The following RBFOX3 variants were observed in gnomAD, a reference collection of about 807,000 sequenced individuals.
The protein encoded by RBFOX3 is RNA binding fox-1 homolog 3, also known as RNA binding protein fox-1 homolog 3.
RBFOX3 carries 17 observed loss-of-function variants against 48.7 expected under a neutral mutation model. The ratio of observed to expected loss-of-function variants is 0.35; its 90% CI spans 0.24 to 0.52. RBFOX3 has a LOEUF of 0.52. Among genes scored for constraint, RBFOX3 ranks in the 20% least tolerant of loss-of-function variants. RBFOX3 has a pLI of 0.94. For synonymous variants in RBFOX3, 212 were observed against 209.5 expected (o/e 1.01, Z -0.10); for missense variants, 382 against 497.5 (o/e 0.77, Z 2.21).
At chr17:79,401,520 T>G (rs1047872048) in intron 2 of RBFOX3, among the ~76,000 whole-genome samples, 1 of 152,180 alleles carries the variant, frequency 6.6e-6, no homozygotes, top group Admixed American at 6.5e-5. Context: ...GTTCCCAGTG[T>G]GCACGTGAGA....
intron 1 of RBFOX3, among the ~76,000 whole-genome samples, chr17:79,520,818 A>G (rs1432427916): frequency 6.6e-6 from 1 of 152,094 alleles, no homozygotes; most frequent in Non-Finnish European, 1.5e-5. Context: ...CGGCAGACAC[A>G]CTCGCACACA....
chr17:79,529,898 C>T (rs897657375), intron 1 of RBFOX3, among the ~76,000 whole-genome samples: 18 of 152,338 alleles, frequency 1.2e-4, no homozygotes, highest in African/African-American at 3.1e-4. Flanking sequence ...GGACCCAGCA[C>T]GCTCCTTCAC....
chr17:79,092,108 G>T, intron 14 of RBFOX3: 1 of 985,532 alleles, frequency 1.0e-6, no homozygotes, highest in South Asian at 4.7e-5. Flanking sequence ...CTGCGTCAGG[G>T]TGCTGGACAC....
At chr17:79,091,302 G>C (rs929569868) in intron 14 of RBFOX3, among the ~76,000 whole-genome samples, 1 of 152,236 alleles carries the variant, frequency 6.6e-6, no homozygotes, top group Non-Finnish European at 1.5e-5. Flanking sequence ...CCCTCCAGCT[G>C]GCCTTCCAGC....
chr17:79,595,925 C>T (rs1166336124), intron 1 of RBFOX3, among the ~76,000 whole-genome samples: 1 of 152,234 alleles, frequency 6.6e-6, no homozygotes, highest in African/African-American at 2.4e-5. Flanking sequence ...CATCAATAAT[C>T]ACGAGCGTAC....
chr17:79,278,280 A>G (rs2069399278), intron 3 of RBFOX3, among the ~76,000 whole-genome samples: 1 of 152,142 alleles, frequency 6.6e-6, no homozygotes, highest in East Asian at 1.9e-4. Flanking sequence ...GCATCATAGG[A>G]TCACGAGAAA....
Position 79,117,078 on chromosome 17 carries a change from G to A in RBFOX3, c.-33-1330C>T, listed in dbSNP as rs546973862. ...GAGCAAGGTGCAGGCGGAGGCGGCAGAGGGAAAGGGGCTCCGGCCTCCTCC... is the reference window on the plus strand; with the variant it reads ...GAGCAAGGTGCAGGCGGAGGCGGCAAAGGGAAAGGGGCTCCGGCCTCCTCC... On this transcript the variant is annotated intron_variant, in intron 4 of 14. Transcript: ENST00000693108. 4.6e-5 allele frequency among the ~76,000 whole-genome samples: 7 copies of A among 152,342 alleles called. No homozygotes were observed. In the South Asian group the frequency reaches 1.4e-3, roughly 32 times the overall value.
intron 4 of RBFOX3, chr17:79,234,036 G>A (rs1325123137): frequency 1.3e-5 from 2 of 152,248 alleles, no homozygotes; most frequent in Admixed American, 1.3e-4. Flanking sequence ...CCCTCCTCGT[G>A]GTGAACACTT....
intron 3 of RBFOX3, among the ~76,000 whole-genome samples, chr17:79,275,420 G>C (rs1287054200): frequency 6.6e-6 from 1 of 152,104 alleles, no homozygotes; most frequent in Admixed American, 6.5e-5. Flanking sequence ...GAGCACTCAC[G>C]TGATCATGAT....
At chr17:79,302,438 G>A (rs1277895289) in intron 3 of RBFOX3, among the ~76,000 whole-genome samples, 1 of 152,184 alleles carries the variant, frequency 6.6e-6, no homozygotes, top group Non-Finnish European at 1.5e-5. Flanking sequence ...TCAGCACTTT[G>A]GGAGGCCGAG....
At chr17:79,572,914 A>G (rs1005483519) in intron 1 of RBFOX3, among the ~76,000 whole-genome samples, 15 of 152,162 alleles carry the variant, frequency 9.9e-5, no homozygotes, top group Admixed American at 2.0e-4. Flanking sequence ...TTGGCAGATA[A>G]GACAGCATAG....
At chr17:79,389,097 C>T (rs1046528433) in intron 2 of RBFOX3, among the ~76,000 whole-genome samples, 22 of 148,190 alleles carry the variant, frequency 1.5e-4, no homozygotes, top group South Asian at 8.3e-4. Context: ...AAGCGGTGGG[C>T]GCGGGGGGGC....
At chr17:79,158,441 G>A (rs569183344) in intron 4 of RBFOX3, among the ~76,000 whole-genome samples, 1 of 152,316 alleles carries the variant, frequency 6.6e-6, no homozygotes, top group Admixed American at 6.5e-5. Flanking sequence ...CCTGGAGCAG[G>A]CTGAGCAGGG....
intron 1 of RBFOX3, among the ~76,000 whole-genome samples, chr17:79,570,599 G>A (rs1395707611): frequency 6.6e-6 from 1 of 152,174 alleles, no homozygotes; most frequent in Non-Finnish European, 1.5e-5. Flanking sequence ...TCTGAGTAAT[G>A]TTTCCCACCA....
At chr17:79,398,649 C>T (rs574595921) in intron 2 of RBFOX3, among the ~76,000 whole-genome samples, 2 of 152,322 alleles carry the variant, frequency 1.3e-5, no homozygotes, top group Admixed American at 6.5e-5. Context: ...CCGTGGGCGA[C>T]GATGCGGCTC....
At chr17:79,474,847 C>A (rs2077505803) in intron 2 of RBFOX3, among the ~76,000 whole-genome samples, 1 of 152,124 alleles carries the variant, frequency 6.6e-6, no homozygotes, top group Non-Finnish European at 1.5e-5. Context: ...GTGTCCACAT[C>A]CCTCTCTCCC....
chr17:79,522,433 G>A (rs1456620769), intron 1 of RBFOX3, among the ~76,000 whole-genome samples: 1 of 152,190 alleles, frequency 6.6e-6, no homozygotes, highest in African/African-American at 2.4e-5. Context: ...CTGGAGGCCT[G>A]AGGGGCCATC....
chr17:79,464,462 A>G (rs1438871445), intron 2 of RBFOX3, among the ~76,000 whole-genome samples: 1 of 152,206 alleles, frequency 6.6e-6, no homozygotes, highest in East Asian at 1.9e-4. Flanking sequence ...CGGCCCACAG[A>G]GGAAGGATGC....
At chr17:79,246,123 C>A (rs543333147) in intron 3 of RBFOX3, among the ~76,000 whole-genome samples, 2 of 152,326 alleles carry the variant, frequency 1.3e-5, no homozygotes, top group Non-Finnish European at 2.9e-5. Context: ...CTTTTATCTG[C>A]TGACGTGCTT....
Sources: allele counts gnomAD v4.1 joint callset (sites outside exome capture counted in the v4.1 genomes callset), GRCh38; gene constraint gnomAD v4.1.1; transcripts MANE v1.5; gene names NCBI Gene and HGNC (gene_info 2026-07-23, HGNC 2026-07-21).